WDR27: variants seen among roughly 807,000 people sequenced by gnomAD.
WDR27 encodes WD repeat-containing protein 27.
In WDR27, 100 loss-of-function variants were observed where a neutral mutation model predicts 114.4. That is an observed-to-expected ratio of 0.87 (90% CI 0.74 to 1.03). WDR27 has a LOEUF of 1.03. WDR27 is among the 50% of genes least tolerant of loss of function. The probability of loss-of-function intolerance (pLI) is 0.00; values close to 1 mark genes in which losing one functional copy is unlikely to be tolerated. For missense variants in WDR27, 1,129 were observed against 1,092.9 expected (o/e 1.03, Z -0.47); for synonymous variants, 449 against 423.1 (o/e 1.06, Z -0.75).
At chr6:169,476,326 C>T (rs1033824374) in intron 25 of WDR27, among the ~76,000 whole-genome samples, 1 of 152,156 alleles carries the variant, frequency 6.6e-6, no homozygotes, top group Admixed American at 6.5e-5. Context: ...CTCCCAGGGT[C>T]GATTGTGTCT....
At chr6:169,469,087 T>A (rs768912640) in intron 25 of WDR27, among the ~76,000 whole-genome samples, 6 of 152,184 alleles carry the variant, frequency 3.9e-5, no homozygotes. Flanking sequence ...CTTCCACATA[T>A]AAATTTTGAG....
intron 25 of WDR27, among the ~76,000 whole-genome samples, chr6:169,544,514 C>T (rs573607626): frequency 2.6e-4 from 39 of 151,710 alleles, no homozygotes; most frequent in Non-Finnish European, 4.4e-4. Flanking sequence ...TCTTGGCTCA[C>T]TGCAACCTCC....
chr6:169,470,801 A>G (rs1357743280), intron 25 of WDR27, among the ~76,000 whole-genome samples: 3 of 152,286 alleles, frequency 2.0e-5, no homozygotes, highest in Middle Eastern at 3.4e-3. Flanking sequence ...CAACATAAAA[A>G]TTTTGGGGTA....
At chr6:169,541,183 C>T (rs1796800814) in intron 25 of WDR27, among the ~76,000 whole-genome samples, 1 of 148,994 alleles carries the variant, frequency 6.7e-6, no homozygotes, top group Non-Finnish European at 1.5e-5. Context: ...ATAAAAAGGA[C>T]AAGGAAAACA....
At chr6:169,676,194 T>C (rs1209163542) in intron 2 of WDR27, among the ~76,000 whole-genome samples, 1 of 152,068 alleles carries the variant, frequency 6.6e-6, no homozygotes, top group Non-Finnish European at 1.5e-5. Flanking sequence ...GCCAATTAAA[T>C]CTCTTTTCTT....
intron 23 of WDR27, among the ~76,000 whole-genome samples, chr6:169,585,315 G>A (rs894704258): frequency 5.3e-5 from 8 of 152,096 alleles, no homozygotes; most frequent in African/African-American, 7.2e-5. Flanking sequence ...AAAGAGCTTC[G>A]GCTCAGCAAA....
intron 25 of WDR27, among the ~76,000 whole-genome samples, chr6:169,554,457 T>C (rs1428721314): frequency 1.3e-5 from 2 of 152,328 alleles, no homozygotes; most frequent in South Asian, 2.1e-4. Flanking sequence ...GCTTGTCAAC[T>C]CCAGTACTCT....
chr6:169,621,951 C>A (rs1170954996), intron 21 of WDR27, among the ~76,000 whole-genome samples: 3 of 152,312 alleles, frequency 2.0e-5, no homozygotes, highest in East Asian at 3.9e-4. Flanking sequence ...TCTGGGCCCC[C>A]AAATCACCAA....
At chr6:169,487,586 T>C (rs1789106811) in intron 25 of WDR27, among the ~76,000 whole-genome samples, 1 of 152,196 alleles carries the variant, frequency 6.6e-6, no homozygotes, top group Non-Finnish European at 1.5e-5. Context: ...TAACCCAAAG[T>C]GAGCCATGAG....
At chr6:169,618,641 AAAAAAAAAC>A (rs932064068) in intron 21 of WDR27, among the ~76,000 whole-genome samples, 1 of 148,470 alleles carries the variant, frequency 6.7e-6, no homozygotes, top group African/African-American at 2.6e-5. Flanking sequence ...AAAAAAAAAA[AAAAAAAAAC>A]ATTATTGATG....
intron 25 of WDR27, among the ~76,000 whole-genome samples, chr6:169,568,080 G>A (rs372680121): frequency 1.1e-3 from 165 of 152,322 alleles, no homozygotes; most frequent in African/African-American, 3.9e-3. Flanking sequence ...CCACCAGGAA[G>A]AGCGTCTCCC....
At position 169,695,494 on chromosome 6, in the gene WDR27, C is replaced by T. The variant is rs895689595; in HGVS notation, c.-8+6057G>A. 2.0e-5 allele frequency among the ~76,000 whole-genome samples: 3 copies of T among 152,236 alleles called. No homozygotes were observed. In the East Asian group the frequency reaches 5.8e-4, roughly 29 times the overall value. On this transcript the variant is annotated intron_variant, in intron 1 of 25. Transcript: ENST00000448612. ...TGTGGAAGAAACAGACATCGCTTCTCTAATCCACAGTGTGTCCATTTTAGA... is the reference window on the plus strand; with the variant it reads ...TGTGGAAGAAACAGACATCGCTTCTTTAATCCACAGTGTGTCCATTTTAGA...
At chr6:169,450,192 C>T in the WDR27 span, among the ~76,000 whole-genome samples, 5 of 152,308 alleles carry the variant, frequency 3.3e-5, no homozygotes, top group African/African-American at 7.2e-5. Context: ...CTCTGCTCTG[C>T]ATGAAGGAGT....
chr6:169,697,757 C>G (rs1786593452), intron 1 of WDR27, among the ~76,000 whole-genome samples: 1 of 152,236 alleles, frequency 6.6e-6, no homozygotes, highest in Non-Finnish European at 1.5e-5. Flanking sequence ...ACGTGACCCA[C>G]ATGGCCTTAC....
intron 21 of WDR27, among the ~76,000 whole-genome samples, chr6:169,625,448 C>T (rs1584692360): frequency 6.6e-6 from 1 of 152,296 alleles, no homozygotes; most frequent in Non-Finnish European, 1.5e-5. Flanking sequence ...GGAGACTGAG[C>T]CTGGACAGTC....
intron 25 of WDR27, among the ~76,000 whole-genome samples, chr6:169,482,862 G>C (rs1788381197): frequency 6.6e-6 from 1 of 152,062 alleles, no homozygotes; most frequent in South Asian, 2.1e-4. Flanking sequence ...AATAAAAATA[G>C]GAATCAAGAC....
chr6:169,430,893 CCTA>C, the WDR27 span, among the ~76,000 whole-genome samples: 1 of 152,154 alleles, frequency 6.6e-6, no homozygotes, highest in Admixed American at 6.5e-5. Context: ...CTCTCAAGTG[CCTA>C]CTATGAAGAA....
intron 1 of WDR27, among the ~76,000 whole-genome samples, chr6:169,689,670 A>T (rs944167654): frequency 6.6e-6 from 1 of 152,252 alleles, no homozygotes; most frequent in African/African-American, 2.4e-5. Context: ...TTAACTTCAC[A>T]GCATAATCAC....
At chr6:169,544,495 G>C (rs796307572) in intron 25 of WDR27, among the ~76,000 whole-genome samples, 13 of 150,132 alleles carry the variant, frequency 8.7e-5, no homozygotes, top group African/African-American at 3.2e-4. Context: ...CTGGAGTGTA[G>C]TGGCGCCATC....
Sources: gnomAD v4.1 joint callset for allele counts (sites outside exome capture counted in the v4.1 genomes callset) on GRCh38, gnomAD v4.1.1 for gene constraint, MANE v1.5 for transcripts, NCBI Gene and HGNC (gene_info 2026-07-23, HGNC 2026-07-21) for gene names.